The following C3 variants were observed in gnomAD, a reference collection of about 807,000 sequenced individuals.
The protein encoded by C3 is complement C3.
In C3, 97 loss-of-function variants were observed where a neutral mutation model predicts 207.9. The observed-to-expected ratio is 0.47, with a 90% confidence interval of 0.40 to 0.55. C3 has a LOEUF of 0.55. Ranked by LOEUF, C3 falls within the 20% of genes least tolerant of loss-of-function variation. The pLI, the probability that C3 is intolerant of heterozygous loss-of-function variation, is 0.00. For synonymous variants in C3, 848 were observed against 857.6 expected, an observed-to-expected ratio of 0.99 and a Z score of 0.20; for missense variants, 1,684 against 2,171.7, an observed-to-expected ratio of 0.78 and a Z score of 4.46.
intron 28 of C3, 83 bp from the exon 29 acceptor site, chr19:6,686,370 A>G: frequency 6.9e-7 from 1 of 1,454,834 alleles, no homozygotes; most frequent in Non-Finnish European, 9.6e-7. Context: ...AAAGAGATGC[A>G]TGCTAGACTT....
At position 6,697,645 on chromosome 19, in the gene C3, G is replaced by A. The variant is rs1384256868; in HGVS notation, c.2583+7C>T. 6 of 1,613,902 alleles carry A rather than the reference G, an allele frequency of 3.7e-6. No individual in the cohort carries two copies. The African/African-American group carries it at 5.3e-5, about 14-fold the overall frequency. On this transcript the variant is annotated splice_region_variant and intron_variant, in intron 20 of 40. Transcript: ENST00000245907. Reference sequence around the variant, plus strand: ...CTCCAAGAAGCCTCTGCCACCCCGGGACCCACCTTGAGCTCTTGGTTCTGC... The same window carrying A: ...CTCCAAGAAGCCTCTGCCACCCCGGAACCCACCTTGAGCTCTTGGTTCTGC...
In C3 at chr19:6,719,911, C is replaced by T. The variant is rs1357079040; in HGVS notation, c.75-508G>A. Among the ~76,000 whole-genome samples, 1 of 152,028 alleles carries T rather than the reference C, an allele frequency of 6.6e-6. No individual in the cohort carries two copies. The highest frequency in any genetic ancestry group is 1.5e-5 in the Non-Finnish European group (1 of 68,034). ...GCACCCCAAACCCAGCCTAAACCTC[C>T]AACACCCCAGTCCTAATAAATACAA... On this transcript the variant is annotated intron_variant, in intron 1 of 40. Coordinates refer to ENST00000245907, the MANE Select transcript of C3 (RefSeq NM_000064.4). The surrounding 1 kb of genome is among the most constrained non-coding windows in gnomAD (Gnocchi z 5.4).
chr19:6,707,568 G>C, intron 15 of C3, 31 bp from the exon 16 acceptor site: 1 of 1,612,630 alleles, frequency 6.2e-7, no homozygotes, highest in Non-Finnish European at 8.5e-7. Flanking sequence ...GAAGAAGATG[G>C]ATGAGGCACC....
At chr19:6,718,561 G>A in intron 2 of C3, 149 bp from the exon 3 acceptor site, 1 of 823,418 alleles carries the variant, frequency 1.2e-6, no homozygotes, top group Admixed American at 2.2e-5. Flanking sequence ...GGCATGTGAA[G>A]GAGGTGCGAG....
chr19:6,687,618 A>T (rs1918042443), intron 27 of C3, among the ~76,000 whole-genome samples: 1 of 152,098 alleles, frequency 6.6e-6, no homozygotes. Context: ...ATTTCAACCT[A>T]CCAATATGGT....
Position 6,678,270 on chromosome 19 carries a change from C to T in C3, c.4732G>A (p.Val1578Ile). 1 of 1,614,150 alleles carries T rather than the reference C, an allele frequency of 6.2e-7. No homozygotes were observed. Among genetic ancestry groups the T allele is most frequent in the Middle Eastern group, 1.6e-4 (1 of 6,062 alleles). The change falls in exon 40 of 41, where the codon GTT (valine) becomes ATT (isoleucine). Residue 1578 changes from valine (V) to isoleucine (I), a missense_variant. Around this residue, in one of 3 missense-constraint regions of C3, gnomAD observed 346 missense variants for 380.1 expected, o/e 0.91. Transcript: ENST00000245907. ...TIKSGSDEVQ[V>I]GQQRTFISPI... ...CTGATGAACGTGCGCTGCTGTCCAA[C>T]CTGCACCTCATCCGAGCCTGGAGTG...
rs776744895 is a variant in C3, at chr19:6,719,198, A to G, written c.267+13T>C. 1.3e-5 allele frequency: 21 copies of G among 1,612,896 alleles called. No homozygotes were observed. The South Asian group carries it at 2.1e-4, about 16-fold the overall frequency. ...GTGGGTGTCAGCCGGGTCCTGCGCC[A>G]GTCTGCACTCACCGTGAAGGTGACG... On this transcript the variant is annotated intron_variant, in intron 2 of 40. Transcript: ENST00000245907. The surrounding 1 kb of genome is among the most constrained non-coding windows in gnomAD (Gnocchi z 5.4).
At chr19:6,698,806 A>T (rs1474024070) in intron 19 of C3, among the ~76,000 whole-genome samples, 2 of 151,860 alleles carry the variant, frequency 1.3e-5, no homozygotes, top group Non-Finnish European at 2.9e-5. Flanking sequence ...TTATTTATTT[A>T]TTTTTTGAGA....
At chr19:6,715,746 C>T (rs553376170) in intron 4 of C3, among the ~76,000 whole-genome samples, 3 of 151,108 alleles carry the variant, frequency 2.0e-5, no homozygotes, top group Non-Finnish European at 4.4e-5. Context: ...CTCAGCCTCT[C>T]GAGTAGCTGG....
Position 6,696,763 on chromosome 19 carries a change from C to T in C3, c.2797-104G>A, listed in dbSNP as rs556809616. The T allele has an allele frequency of 2.9e-5, 34 of 1,175,836 alleles. No individual in the cohort carries two copies. The East Asian group carries it at 4.2e-4, about 15-fold the overall frequency. The allele number at this position is 1,175,836 out of a possible 1,614,324, so 72.8% of individuals were successfully genotyped here. ...GTCCTTAGGATCACCCTAGCATTGCCGGGCGCGGTGGCTCGTGCCTGTGAT... is the reference window on the plus strand; with the variant it reads ...GTCCTTAGGATCACCCTAGCATTGCTGGGCGCGGTGGCTCGTGCCTGTGAT... On this transcript the variant is annotated intron_variant, in intron 21 of 40. Coordinates refer to ENST00000245907, the MANE Select transcript of C3 (RefSeq NM_000064.4).
In C3 at chr19:6,693,152, G is replaced by A. The variant is rs10414623; in HGVS notation, c.3231-69C>T. On this transcript the variant is annotated intron_variant, in intron 25 of 40. Transcript: ENST00000245907. ...GAGACTGCCATGTCAACCAGCCAAT[G>A]AGCGTGGGGGAGGGACCAGGGCCTG... 0.071 allele frequency: 109,918 copies of A among 1,554,808 alleles called. 5,512 individuals are homozygous for A. Among genetic ancestry groups the A allele is most frequent in the East Asian group, 0.24 (10,765 of 44,550 alleles).
chr19:6,684,156 A>G, intron 33 of C3: 1 of 613,698 alleles, frequency 1.6e-6, no homozygotes, highest in East Asian at 2.9e-5. Flanking sequence ...ACTTTCCTCC[A>G]TTGATTACTA....
Position 6,705,342 on chromosome 19 carries a change from T to C in C3, c.2245+1734A>G, listed in dbSNP as rs202183228. Among the ~76,000 whole-genome samples the C allele has an allele frequency of 5.1e-4, 69 of 134,860 alleles. 1 individual carries two copies. In the East Asian group the frequency reaches 6.5e-3, roughly 13 times the overall value. 88.5% of individuals were successfully genotyped at this position (134,860 alleles called of 152,430 possible). On this transcript the variant is annotated intron_variant, in intron 17 of 40. Transcript: ENST00000245907. ...TCATTTTCTTTTCTTTTCTCTCTCT[T>C]TTTTTTTTTTTCTTTTTTGAGACAG... is the stretch of plus-strand genomic sequence containing the variant.
chr19:6,702,174 G>A lies in C3; in HGVS notation c.2393C>T (p.Ser798Phe). Reference protein sequence around the residue: ...TKLMNIFLKDSITTWEILAVS... With the variant: ...TKLMNIFLKDFITTWEILAVS... ...AGCCAGAATCTCCCACGTGGTGATG[G>A]AGTCTTTCAAAAATATATTCATGAG... is the stretch of plus-strand genomic sequence containing the variant. The change falls in exon 19 of 41, where the codon TCC (serine) becomes TTC (phenylalanine). Residue 798 changes from serine (S) to phenylalanine (F), a missense_variant. Physicochemically the swap from Ser to Phe is radical, Grantham distance 155 (BLOSUM62 -2). This residue lies in a region of C3 where 1,280 missense variants were observed against 1,739.1 expected (regional missense o/e 0.74). Transcript: ENST00000245907. 1 of 1,606,618 alleles carries A rather than the reference G, an allele frequency of 6.2e-7. No individual in the cohort carries two copies. The highest frequency in any genetic ancestry group is 8.5e-7 in the Non-Finnish European group (1 of 1,174,896).
In C3 at chr19:6,714,339, G is replaced by A; in HGVS notation, c.599+13C>T. On this transcript the variant is annotated intron_variant, in intron 5 of 40. Coordinates refer to ENST00000245907, the MANE Select transcript of C3 (RefSeq NM_000064.4). ...GGGGAGCCCTGAGCCCCCTCCTCAAGAACCTGACATACTTGACGAGTTCCG... is the reference window on the plus strand; with the variant it reads ...GGGGAGCCCTGAGCCCCCTCCTCAAAAACCTGACATACTTGACGAGTTCCG... 6.2e-7 allele frequency: 1 copy of A among 1,613,044 alleles called. No individual in the cohort carries two copies. The highest frequency in any genetic ancestry group is 8.5e-7 in the Non-Finnish European group (1 of 1,179,288).
In C3 at chr19:6,719,430, C is replaced by T; in HGVS notation, c.75-27G>A. ...TGTCGGAGTGGGGCACGGGAGTGGG[C>T]TTGTCATTCCACGGATGTGAGACGC... is the stretch of plus-strand genomic sequence containing the variant. On this transcript the variant is annotated intron_variant, in intron 1 of 40. Transcript: ENST00000245907. The surrounding 1 kb of genome is among the most constrained non-coding windows in gnomAD (Gnocchi z 5.4). 6.2e-7 allele frequency: 1 copy of T among 1,604,848 alleles called. No homozygotes were observed. Among genetic ancestry groups the T allele is most frequent in the Non-Finnish European group, 8.5e-7 (1 of 1,172,032 alleles).
chr19:6,690,939 C>G (rs898532316), intron 26 of C3, among the ~76,000 whole-genome samples: 23 of 152,088 alleles, frequency 1.5e-4, no homozygotes, highest in African/African-American at 5.6e-4. Context: ...GTGCAATGTA[C>G]AATGGGTACA....
In C3 at chr19:6,700,302, AAT is replaced by A. The variant is rs1447923903; in HGVS notation, c.2440+1823_2440+1824del. ...ATAACATATTATATATGTGATATGC[AAT>A]ATATATTATATGTAATATAACATAT... On this transcript the variant is annotated intron_variant, in intron 19 of 40. Coordinates refer to ENST00000245907, the MANE Select transcript of C3 (RefSeq NM_000064.4). 6.5e-4 allele frequency among the ~76,000 whole-genome samples: 10 copies of A among 15,388 alleles called. 4 individuals carry two copies. The highest frequency in any genetic ancestry group is 0.33 in the Middle Eastern group (2 of 6). 10.1% of individuals were successfully genotyped at this position (15,388 alleles called of 152,430 possible).
rs1348088667 is a variant in C3, at chr19:6,714,065, C to G, written c.700G>C (p.Val234Leu). Reference protein sequence around the residue: ...VKEYVLPSFEVIVEPTEKFYY... With the variant: ...VKEYVLPSFELIVEPTEKFYY... ...AATTTCTCTGTAGGCTCCACTATGA[C>G]CTCGAAACTGGGCAGCACTGGGGGA... Residue 234 changes from valine (V) to leucine (L), a missense_variant, in exon 7 of 41, where the codon GTC (valine) becomes CTC (leucine). Transcript: ENST00000245907. The G allele has an allele frequency of 6.2e-7, 1 of 1,612,610 alleles. No homozygotes were observed. Among genetic ancestry groups the G allele is most frequent in the South Asian group, 1.1e-5 (1 of 91,002 alleles).
Sources: gnomAD v4.1 joint callset for allele counts (sites outside exome capture counted in the v4.1 genomes callset) on GRCh38, gnomAD v4.1.1 for gene constraint, gnomAD v4.1.1 regional missense constraint, Gnocchi (gnomAD v3.1) non-coding constraint, MANE v1.5 for transcripts, NCBI Gene and HGNC (gene_info 2026-07-23, HGNC 2026-07-21) for gene names.